LRRC4C: variants seen among roughly 807,000 people sequenced by gnomAD.
The protein encoded by LRRC4C is leucine rich repeat containing 4C, also known as leucine-rich repeat-containing protein 4C.
In LRRC4C, 5 loss-of-function variants were observed where a neutral mutation model predicts 33.6. The ratio of observed to expected loss-of-function variants is 0.15; its 90% confidence interval spans 0.08 to 0.31. The LOEUF (loss-of-function observed/expected upper bound fraction) is 0.31, where lower values mean the gene tolerates loss of function less well. Ranked by LOEUF, LRRC4C falls within the 10% of genes least tolerant of loss-of-function variation. The pLI, the probability that LRRC4C is intolerant of heterozygous loss-of-function variation, is 1.00. For missense variants in LRRC4C, 560 were observed against 796.7 expected, an observed-to-expected ratio of 0.70 and a Z score of 3.58; for synonymous variants, 329 against 302.0, an observed-to-expected ratio of 1.09 and a Z score of -0.93.
At chr11:40,217,327 A>G (rs577753042) in intron 5 of LRRC4C, among the ~76,000 whole-genome samples, 2 of 152,228 alleles carry the variant, frequency 1.3e-5, no homozygotes, top group South Asian at 4.1e-4. Flanking sequence ...AAACTTTAGT[A>G]AGAAATAGTA....
intron 1 of LRRC4C, among the ~76,000 whole-genome samples, chr11:41,308,424 G>A (rs1268166258): frequency 6.6e-6 from 1 of 152,128 alleles, no homozygotes; most frequent in Non-Finnish European, 1.5e-5. Context: ...CCATGTAACA[G>A]GAGGCTGGCC....
At chr11:40,524,358 T>C (rs1955950326) in intron 3 of LRRC4C, among the ~76,000 whole-genome samples, 1 of 152,194 alleles carries the variant, frequency 6.6e-6, no homozygotes, top group African/African-American at 2.4e-5. Context: ...GTGATGAAGT[T>C]ACTTTTCTAC....
At chr11:40,437,298 C>T (rs1439599626) in intron 3 of LRRC4C, among the ~76,000 whole-genome samples, 3 of 152,162 alleles carry the variant, frequency 2.0e-5, no homozygotes, top group African/African-American at 7.2e-5. Context: ...CAACTCCCTA[C>T]AGTCTGTTTT....
In LRRC4C at chr11:41,077,182, A is replaced by G. The variant is rs542167609; in HGVS notation, c.-495-143459T>C. Among the ~76,000 whole-genome samples the G allele has an allele frequency of 2.0e-5, 3 of 152,244 alleles. No individual in the cohort carries two copies. In the South Asian group the frequency reaches 6.2e-4, roughly 32 times the overall value. On this transcript the variant is annotated intron_variant, in intron 1 of 6. Coordinates refer to ENST00000528697, the MANE Select transcript of LRRC4C (RefSeq NM_001258419.2). ...TGTGGCTTTCTTGGTTGCACAGTGC[A>G]AGCAGTCAGTGGATCTAGCATTCTG...
At chr11:41,257,950 T>C (rs1948855459) in intron 1 of LRRC4C, among the ~76,000 whole-genome samples, 1 of 152,028 alleles carries the variant, frequency 6.6e-6, no homozygotes, top group Non-Finnish European at 1.5e-5. Flanking sequence ...AATCCATTTT[T>C]TCATGGTGTG....
Position 41,165,100 on chromosome 11 carries a change from A to T in LRRC4C, c.-495-231377T>A, listed in dbSNP as rs950818426. Among the ~76,000 whole-genome samples, 3 of 152,224 alleles carry T rather than the reference A, an allele frequency of 2.0e-5. 1 individual carries two copies. Among genetic ancestry groups the T allele is most frequent in the Middle Eastern group, 6.8e-3 (2 of 294 alleles). On this transcript the variant is annotated intron_variant, in intron 1 of 6. Transcript: ENST00000528697. ...CCACATTCTCACCACCTGTTTCTTT[A>T]TTGGATCACCAATAAATAGCGCGGG...
chr11:40,451,114 A>T (rs1202436224), intron 3 of LRRC4C, among the ~76,000 whole-genome samples: 1 of 151,824 alleles, frequency 6.6e-6, no homozygotes, highest in Non-Finnish European at 1.5e-5. Flanking sequence ...AATGAAAAAA[A>T]ACCTAGAACA....
rs144705840 is a variant in LRRC4C, at chr11:40,407,231, C to T, written c.-269-87510G>A. ...CCTCCAAAACAAAGTCATAAATGTT[C>T]AGGCCATGTGGATTTGACAAAGCAA... is the stretch of plus-strand genomic sequence containing the variant. On this transcript the variant is annotated intron_variant, in intron 3 of 6. Coordinates refer to ENST00000528697, the MANE Select transcript of LRRC4C (RefSeq NM_001258419.2). Among the ~76,000 whole-genome samples, 360 of 152,176 alleles carry T rather than the reference C, an allele frequency of 2.4e-3. 7 individuals carry two copies. In the East Asian group the frequency reaches 0.029, roughly 12 times the overall value.
At chr11:40,575,635 C>G (rs77433450) in intron 3 of LRRC4C, among the ~76,000 whole-genome samples, 1,605 of 152,236 alleles carry the variant, frequency 0.011, 36 homozygotes, top group African/African-American at 0.037. Context: ...GAATTTAAGC[C>G]TCTTTAGTGG....
chr11:41,042,388 A>G (rs1857494272), intron 1 of LRRC4C, among the ~76,000 whole-genome samples: 1 of 152,170 alleles, frequency 6.6e-6, no homozygotes, highest in African/African-American at 2.4e-5. Context: ...ATCTAACTTT[A>G]TGTTCCTACA....
intron 5 of LRRC4C, among the ~76,000 whole-genome samples, chr11:40,149,837 A>T (rs1858040856): frequency 6.6e-6 from 1 of 152,214 alleles, no homozygotes; most frequent in African/African-American, 2.4e-5. Context: ...GGGAAGAAAT[A>T]GGCCAGTCTA....
chr11:41,027,812 T>C (rs1856475508), intron 1 of LRRC4C, among the ~76,000 whole-genome samples: 1 of 151,778 alleles, frequency 6.6e-6, no homozygotes, highest in Non-Finnish European at 1.5e-5. Context: ...GTATTCTTTG[T>C]TCACAATTGC....
chr11:41,245,870 C>T (rs1347215010), intron 1 of LRRC4C, among the ~76,000 whole-genome samples: 2 of 152,176 alleles, frequency 1.3e-5, no homozygotes. Context: ...AGCTCCTCTG[C>T]AGGCAGGTGG....
chr11:40,246,392 G>T (rs887567925), intron 4 of LRRC4C, among the ~76,000 whole-genome samples: 2 of 152,172 alleles, frequency 1.3e-5, no homozygotes, highest in African/African-American at 4.8e-5. Flanking sequence ...GGTTCACTCT[G>T]CAGACTTTTG....
rs557893696 is a variant in LRRC4C, at chr11:40,666,861, A to C, written c.-406-18583T>G. 5.3e-5 allele frequency among the ~76,000 whole-genome samples: 8 copies of C among 152,320 alleles called. No homozygotes were observed. The South Asian group carries it at 1.7e-3, about 32-fold the overall frequency. ...CTATCCTAGCCAGTGGTCAGTTAAA[A>C]TAACAACTTCCTCCTGAGGTCCCTC... On this transcript the variant is annotated intron_variant, in intron 2 of 6. Coordinates refer to ENST00000528697, the MANE Select transcript of LRRC4C (RefSeq NM_001258419.2).
At chr11:40,972,872 C>T (rs1423776331) in intron 1 of LRRC4C, among the ~76,000 whole-genome samples, 1 of 151,966 alleles carries the variant, frequency 6.6e-6, no homozygotes, top group Non-Finnish European at 1.5e-5. Flanking sequence ...GTGTCCCCAC[C>T]CAAATCTCAT....
At chr11:41,114,900 A>G (rs1291182050) in intron 1 of LRRC4C, among the ~76,000 whole-genome samples, 1 of 152,086 alleles carries the variant, frequency 6.6e-6, no homozygotes. Flanking sequence ...TTCAAAAGTA[A>G]TTTTAGAGAA....
At chr11:40,660,010 G>A (rs1943349036) in intron 2 of LRRC4C, among the ~76,000 whole-genome samples, 1 of 152,204 alleles carries the variant, frequency 6.6e-6, no homozygotes, top group East Asian at 1.9e-4. Context: ...GGGGCTCCCT[G>A]AGCCAGGGCT....
At chr11:40,375,171 C>T (rs569094707) in intron 3 of LRRC4C, among the ~76,000 whole-genome samples, 28 of 152,198 alleles carry the variant, frequency 1.8e-4, no homozygotes, top group South Asian at 1.0e-3. Context: ...CTGTAACACA[C>T]TTTTTGTTTT....
Sources: allele counts gnomAD v4.1 joint callset (sites outside exome capture counted in the v4.1 genomes callset), GRCh38; gene constraint gnomAD v4.1.1; transcripts MANE v1.5; gene names NCBI Gene and HGNC (gene_info 2026-07-23, HGNC 2026-07-21).